STARD8: variants seen among roughly 807,000 people sequenced by gnomAD.
The protein encoded by STARD8 is stAR-related lipid transfer protein 8.
Under a neutral mutation model 69.4 loss-of-function variants are expected in STARD8, and 25 were observed. That is an observed-to-expected ratio of 0.36 (90% CI 0.26 to 0.50). The LOEUF (loss-of-function observed/expected upper bound fraction) is 0.50, where lower values mean the gene tolerates loss of function less well. Among genes scored for constraint, STARD8 ranks in the 20% least tolerant of loss-of-function variants. The pLI, the probability that STARD8 is intolerant of heterozygous loss-of-function variation, is 0.96. For synonymous variants in STARD8, 389 were observed against 374.6 expected (o/e 1.04, Z -0.45); for missense variants, 921 against 932.5 (o/e 0.99, Z 0.16).
At chrX:68,660,342 G>A (rs972192718) in intron 1 of STARD8, among the ~76,000 whole-genome samples, 1 of 111,952 alleles carries the variant, frequency 8.9e-6, no homozygotes, top group African/African-American at 3.3e-5. Flanking sequence ...CAAAGGTACA[G>A]GGTCAAGCGC....
At position 68,721,718 on chromosome X, in the gene STARD8, G is replaced by A. The variant is rs2080151267; in HGVS notation, c.2431G>A (p.Val811Ile). Reference sequence around the variant, plus strand: ...GGCGCCCTCCATCTTCCACCTCAATGTCTCTAAGAAGGATAGCCCCTCTCC... The same window carrying A: ...GGCGCCCTCCATCTTCCACCTCAATATCTCTAAGAAGGATAGCCCCTCTCC... ...CLAPSIFHLN[V>I]SKKDSPSPRI... The change falls in exon 10 of 15, where the codon GTC becomes ATC. Residue 811 changes from valine (V) to isoleucine (I), a missense_variant. Physicochemically the swap from Val to Ile is conservative, Grantham distance 29. Transcript: ENST00000374599. 1 of 1,210,569 alleles carries A rather than the reference G, an allele frequency of 8.3e-7. No individual in the cohort carries two copies. Among genetic ancestry groups the A allele is most frequent in the Non-Finnish European group, 1.1e-6 (1 of 895,257 alleles).
At chrX:68,698,336 T>G (rs185962242) in intron 2 of STARD8, among the ~76,000 whole-genome samples, 85 of 111,161 alleles carry the variant, frequency 7.6e-4, no homozygotes, top group Admixed American at 6.9e-3. Context: ...CATCTCAATT[T>G]GAAAGTCTAA....
chrX:68,679,746 G>A (rs1334741452), intron 2 of STARD8, among the ~76,000 whole-genome samples: 4 of 112,278 alleles, frequency 3.6e-5, no homozygotes, highest in Non-Finnish European at 7.5e-5. Flanking sequence ...GACAAGGGAT[G>A]TAGCCTCCTC....
At chrX:68,703,667 C>T (rs2079983450) in intron 2 of STARD8, among the ~76,000 whole-genome samples, 1 of 111,931 alleles carries the variant, frequency 8.9e-6, no homozygotes, top group Non-Finnish European at 1.9e-5. Context: ...TTATATTTGG[C>T]CTGAGCAAAA....
In STARD8 at chrX:68,665,480, TTC is replaced by T. The variant is rs1443908502; in HGVS notation, c.46-15_46-14del. The T allele has an allele frequency of 4.1e-6, 5 of 1,205,593 alleles. No homozygotes were observed. Among genetic ancestry groups the T allele is most frequent in the South Asian group, 3.6e-5 (2 of 55,471 alleles). ...TGCATCTCTGCAATGCCTTGACTTC[TTC>T]TCTGTTTCTTTTGCAGTGCTTCCCA... On this transcript the variant is annotated splice_polypyrimidine_tract_variant and intron_variant, in intron 1 of 14. Transcript: ENST00000374599.
intron 5 of STARD8, 89 bp downstream of exon 5, chrX:68,716,520 G>C: frequency 1.0e-6 from 1 of 958,098 alleles, no homozygotes; most frequent in Middle Eastern, 2.6e-4. Flanking sequence ...ACTAGCTCCA[G>C]TATCCCAGGA....
chrX:68,677,587 T>G (rs2079773729), intron 2 of STARD8, among the ~76,000 whole-genome samples: 1 of 111,455 alleles, frequency 9.0e-6, no homozygotes, highest in Admixed American at 9.5e-5. Flanking sequence ...CCTGCCCTGG[T>G]TCTGGGTACA....
intron 3 of STARD8, 98 bp from the exon 4 acceptor site, chrX:68,715,195 TC>T (rs2080082218): frequency 1.5e-6 from 1 of 688,367 alleles, no homozygotes; most frequent in East Asian, 3.6e-5. Context: ...GTCTTCCTGC[TC>T]CCCCTCCTTC....
At chrX:68,695,056 C>T (rs1254433795) in intron 2 of STARD8, among the ~76,000 whole-genome samples, 1 of 110,969 alleles carries the variant, frequency 9.0e-6, no homozygotes, top group African/African-American at 3.3e-5. Context: ...GTGCGACCTG[C>T]TCCCTCCCCA....
At chrX:68,714,886 A>G (rs1234644257) in intron 3 of STARD8, among the ~76,000 whole-genome samples, 1 of 110,971 alleles carries the variant, frequency 9.0e-6, no homozygotes, top group Non-Finnish European at 1.9e-5. Context: ...TTGTTTGGCT[A>G]CTGTGCTGTC....
At position 68,720,384 on chromosome X, in the gene STARD8, G is replaced by T; in HGVS notation, c.2010G>T (p.Gln670His). Residue 670 changes from glutamine to histidine, a missense_variant, in exon 8 of 15, where the codon CAG becomes CAT. Coordinates refer to ENST00000374599, the MANE Select transcript of STARD8 (RefSeq NM_001142503.3). Reference sequence around the variant, plus strand: ...GCCAGCCACTGCCACAGAGCATTCAGCAAGCCATGCGCTACTTGCGCAGCC... The same window carrying T: ...GCCAGCCACTGCCACAGAGCATTCATCAAGCCATGCGCTACTTGCGCAGCC... ...RTGQPLPQSI[Q>H]QAMRYLRSQC... 8.3e-7 allele frequency: 1 copy of T among 1,199,695 alleles called. No homozygotes were observed.
rs1191666461 is a variant in STARD8 at position 68,722,545 on chromosome X, A to C, written c.2698A>C (p.Met900Leu). 8.3e-7 allele frequency: 1 copy of C among 1,211,509 alleles called. No homozygotes were observed. The highest frequency in any genetic ancestry group is 1.1e-6 in the Non-Finnish European group (1 of 895,483). ...TGCAGGGGTAAGCCTGAGCCTCTAC[A>C]TGGAAGAGAATATCCAGGACCTGCT... is the stretch of plus-strand genomic sequence containing the variant. Reference protein sequence around the residue: ...QAAGVSLSLYMEENIQDLLRD... With the variant: ...QAAGVSLSLYLEENIQDLLRD... The change falls in exon 12 of 15, where the codon ATG becomes CTG. Residue 900 changes from methionine to leucine, a missense_variant. Met to Leu is a conservative substitution (Grantham distance 15). Transcript: ENST00000374599.
In STARD8 at chrX:68,694,352, G is replaced by A. The variant is rs185568626; in HGVS notation, c.80-18562G>A. On this transcript the variant is annotated intron_variant, in intron 2 of 14. Coordinates refer to ENST00000374599, the MANE Select transcript of STARD8 (RefSeq NM_001142503.3). ...CCCAGGACTTCTTGGTATTAAGATA[G>A]CTGCGGGGACCAAGCGAAAACGTTT... Among the ~76,000 whole-genome samples, 7 of 112,872 alleles carry A rather than the reference G, an allele frequency of 6.2e-5. No homozygotes were observed. The East Asian group carries it at 2.0e-3, about 31-fold the overall frequency.
intron 2 of STARD8, among the ~76,000 whole-genome samples, chrX:68,684,298 C>T (rs1409654224): frequency 1.8e-5 from 2 of 112,568 alleles, no homozygotes; most frequent in Non-Finnish European, 3.8e-5. Context: ...AGCAACAGGG[C>T]TCTGTGACTC....
At chrX:68,668,087 TTC>T (rs1569355332) in intron 2 of STARD8, among the ~76,000 whole-genome samples, 1 of 96,351 alleles carries the variant, frequency 1.0e-5, no homozygotes, top group African/African-American at 4.0e-5. Context: ...CTTTCTTTCT[TTC>T]TTTCTTTCTT....
chrX:68,649,185 T>C (rs1298324283), intron 1 of STARD8, among the ~76,000 whole-genome samples: 1 of 111,467 alleles, frequency 9.0e-6, no homozygotes. Flanking sequence ...AGGTCACATT[T>C]GGGCTGAGCC....
chrX:68,651,362 C>T lies in STARD8; in HGVS notation c.45+3435C>T, dbSNP rs57671817. On this transcript the variant is annotated intron_variant, in intron 1 of 14. Coordinates refer to ENST00000374599, the MANE Select transcript of STARD8 (RefSeq NM_001142503.3). Reference sequence around the variant, plus strand: ...ATCTCAGGGCTAAGAGGCAGCCTGCCGGATCCACACACTTGGACTGCGTGC... The same window carrying T: ...ATCTCAGGGCTAAGAGGCAGCCTGCTGGATCCACACACTTGGACTGCGTGC... Among the ~76,000 whole-genome samples the T allele has an allele frequency of 7.2e-4, 80 of 110,439 alleles. No homozygotes were observed. The East Asian group carries it at 0.017, about 23-fold the overall frequency.
At chrX:68,653,195 TCACA>T (rs1491301719) in intron 1 of STARD8, among the ~76,000 whole-genome samples, 1 of 2,637 alleles carries the variant, frequency 3.8e-4, no homozygotes, top group East Asian at 0.014. Flanking sequence ...CACACACACA[TCACA>T]CACACACCAC....
intron 1 of STARD8, among the ~76,000 whole-genome samples, chrX:68,651,973 G>A (rs189613165): frequency 0.035 from 3,677 of 105,659 alleles, 172 homozygotes; most frequent in African/African-American, 0.12. Flanking sequence ...TCAGCCTCCC[G>A]AGTAGCTGGA....
Sources: allele counts gnomAD v4.1 joint callset (sites outside exome capture counted in the v4.1 genomes callset), GRCh38; gene constraint gnomAD v4.1.1; transcripts MANE v1.5; gene names NCBI Gene and HGNC (gene_info 2026-07-23, HGNC 2026-07-21).